Variants in MRC2 observed in about 807,000 individuals in gnomAD.
MRC2 encodes mannose receptor C-type 2.
MRC2 carries 84 observed loss-of-function variants against 206.2 expected under a neutral mutation model. The ratio of observed to expected loss-of-function variants is 0.41; its 90% CI spans 0.34 to 0.49. MRC2 has a LOEUF of 0.49. MRC2 is among the 20% of genes least tolerant of loss of function. MRC2 has a pLI of 0.31. For missense variants in MRC2, 1,676 were observed against 2,001.5 expected (o/e 0.84, Z 3.10); for synonymous variants, 798 against 800.0 (o/e 1.00, Z 0.04).
chr17:62,627,918 C>T lies in MRC2; in HGVS notation c.116C>T (p.Pro39Leu). The T allele has an allele frequency of 6.9e-7, 1 of 1,442,688 alleles. No individual in the cohort carries two copies. The highest frequency in any genetic ancestry group is 9.0e-7 in the Non-Finnish European group (1 of 1,106,520). 89.4% of individuals were successfully genotyped at this position (1,442,688 alleles called of 1,614,324 possible). ...GGCGCCCCTGGGGACGCCGCCCTCC[C>T]GGGTAAGGCGCTGCCAACTTGGCCA... is the stretch of plus-strand genomic sequence containing the variant. ...RPGAPGDAAL[P>L]EPNVFLIFSH... The change falls in exon 1 of 30, where the codon CCG becomes CTG. Residue 39 changes from proline to leucine, a missense_variant and splice_region_variant. This residue lies in a region of MRC2 where 318 missense variants were observed against 346.7 expected (regional missense o/e 0.92). Transcript: ENST00000303375.
rs781220989 is a variant in MRC2 at position 62,680,498 on chromosome 17, G to A, written c.2473+45G>A. The A allele has an allele frequency of 6.2e-7, 1 of 1,612,346 alleles. No homozygotes were observed. Among genetic ancestry groups the A allele is most frequent in the South Asian group, 1.1e-5 (1 of 90,962 alleles). ...TCCCGCTACCCATCGCGTGGGAGAG[G>A]GCGTCAACTCTGGGGTAAGTCCCGA... On this transcript the variant is annotated intron_variant, in intron 16 of 29. Transcript: ENST00000303375. The surrounding 1 kb of genome is among the most constrained non-coding windows in gnomAD (Gnocchi z 4.8).
chr17:62,688,109 C>T (rs148291196), intron 20 of MRC2, among the ~76,000 whole-genome samples, 180 bp from the exon 21 acceptor site: 1 of 152,152 alleles, frequency 6.6e-6, no homozygotes, highest in Non-Finnish European at 1.5e-5. Flanking sequence ...ATCTGCAGTG[C>T]CAAGCTGGGA....
At chr17:62,657,599 C>T (rs375720805) in intron 1 of MRC2, among the ~76,000 whole-genome samples, 17 of 149,658 alleles carry the variant, frequency 1.1e-4, no homozygotes, top group Non-Finnish European at 2.4e-4. Context: ...GCTCCCTGCA[C>T]TGACACCTGA....
At position 62,672,471 on chromosome 17, in the gene MRC2, C is replaced by T. The variant is rs1459218379; in HGVS notation, c.1461+319C>T. ...CGCATTCTTGGTCTCCTCCCAGCTG[C>T]CCTTCCCTGCCAGAAGGTGGCATCA... On this transcript the variant is annotated intron_variant, in intron 8 of 29. Transcript: ENST00000303375. The surrounding 1 kb of genome is among the most constrained non-coding windows in gnomAD (Gnocchi z 4.5). Among the ~76,000 whole-genome samples, 1 of 152,168 alleles carries T rather than the reference C, an allele frequency of 6.6e-6. No homozygotes were observed. Among genetic ancestry groups the T allele is most frequent in the Non-Finnish European group, 1.5e-5 (1 of 68,034 alleles).
At position 62,689,524 on chromosome 17, in the gene MRC2, C is replaced by T. The variant is rs929961580; in HGVS notation, c.3337C>T (p.Pro1113Ser). The change falls in exon 24 of 30, where the codon CCC becomes TCC. Residue 1113 changes from proline to serine, a missense_variant and splice_region_variant. By Grantham distance (74) the Pro-to-Ser change is moderately conservative. Transcript: ENST00000303375. ...GAACCCTGACCCCTTCCCTGTAGAC[C>T]CCTCCCTGAGCCCGTCCCCAGCAGC... ...HGFICQKGTD[P>S]SLSPSPAALP... 6.4e-7 allele frequency: 1 copy of T among 1,562,716 alleles called. No homozygotes were observed. The highest frequency in any genetic ancestry group is 8.7e-7 in the Non-Finnish European group (1 of 1,150,978).
At position 62,666,291 on chromosome 17, in the gene MRC2, G is replaced by A; in HGVS notation, c.694+24G>A. The stretch of plus-strand genomic sequence containing the variant: ...GAGTGAGAGCTGTTGGAGCCGTGGG[G>A]GCGGGGGCAGTGTTCCTGGAGGGAG... On this transcript the variant is annotated intron_variant, in intron 3 of 29. Coordinates refer to ENST00000303375, the MANE Select transcript of MRC2 (RefSeq NM_006039.5). The surrounding 1 kb of genome is among the most constrained non-coding windows in gnomAD (Gnocchi z 5.0). The A allele has an allele frequency of 1.3e-6, 2 of 1,557,466 alleles. No individual in the cohort carries two copies. The highest frequency in any genetic ancestry group is 1.7e-6 in the Non-Finnish European group (2 of 1,154,456).
chr17:62,675,961 G>A lies in MRC2; in HGVS notation c.1685+56G>A. The A allele has an allele frequency of 6.8e-7, 1 of 1,463,816 alleles. No homozygotes were observed. Among genetic ancestry groups the A allele is most frequent in the Non-Finnish European group, 9.6e-7 (1 of 1,046,418 alleles). The allele number at this position is 1,463,816 out of a possible 1,614,324, so 90.7% of individuals were successfully genotyped here. On this transcript the variant is annotated intron_variant, in intron 10 of 29. Transcript: ENST00000303375. The surrounding 1 kb of genome is among the most constrained non-coding windows in gnomAD (Gnocchi z 4.1). ...CTTGCCCATGTCTGGGCCTATTGTG[G>A]TCCCTTCAGCAAACAGGGTAGCATC...
chr17:62,637,961 C>T (rs1208708645), intron 1 of MRC2, among the ~76,000 whole-genome samples: 2 of 152,174 alleles, frequency 1.3e-5, no homozygotes, highest in African/African-American at 4.8e-5. Context: ...ACCTCCTGGG[C>T]TCAGGCGATT....
intron 1 of MRC2, among the ~76,000 whole-genome samples, chr17:62,644,829 G>A (rs1343346515): frequency 6.6e-6 from 1 of 152,048 alleles, no homozygotes. Flanking sequence ...GATTCTGCGG[G>A]AGAGACTCTC....
chr17:62,636,626 G>A (rs1000258733), intron 1 of MRC2, among the ~76,000 whole-genome samples: 2 of 151,548 alleles, frequency 1.3e-5, no homozygotes, highest in Non-Finnish European at 2.9e-5. Context: ...TCACCACCAC[G>A]CCTGGCTAAT....
chr17:62,648,874 CACAA>C (rs1440894717), intron 1 of MRC2, among the ~76,000 whole-genome samples: 2 of 152,200 alleles, frequency 1.3e-5, no homozygotes, highest in Admixed American at 6.5e-5. Context: ...CGCTGTGAAA[CACAA>C]ACAGATTCTT....
At position 62,688,998 on chromosome 17, in the gene MRC2, C is replaced by T. The variant is rs888437286; in HGVS notation, c.3334+38C>T. On this transcript the variant is annotated intron_variant, in intron 23 of 29. Coordinates refer to ENST00000303375, the MANE Select transcript of MRC2 (RefSeq NM_006039.5). ...AGTCACCTGGGAAACCCCAGTGGGG[C>T]CCTGGCACCGGGCTGGATGCTGGGA... 2.0e-6 allele frequency: 3 copies of T among 1,533,378 alleles called. No homozygotes were observed. The African/African-American group carries it at 4.1e-5, about 21-fold the overall frequency. 95.0% of individuals were successfully genotyped at this position (1,533,378 alleles called of 1,614,324 possible).
At chr17:62,670,521 A>T (rs1448505137) in intron 6 of MRC2, among the ~76,000 whole-genome samples, 1 of 152,248 alleles carries the variant, frequency 6.6e-6, no homozygotes, top group Non-Finnish European at 1.5e-5. Flanking sequence ...GACTAGGCAG[A>T]ATCCTGCCCG....
At chr17:62,642,066 T>C (rs1203322165) in intron 1 of MRC2, among the ~76,000 whole-genome samples, 1 of 151,058 alleles carries the variant, frequency 6.6e-6, no homozygotes, top group Non-Finnish European at 1.5e-5. Flanking sequence ...GCGGATGCAA[T>C]TTTTTTTCTC....
Position 62,680,927 on chromosome 17 carries a change from G to T in MRC2, c.2601G>T (p.Ala867=). ...AGCTGACCTCGGTGCACAGCCAGGC[G>T]GAGCTAGACTTCCTGAGCCACAACT... ...QAELTSVHSQ[A]ELDFLSHNLQ... The change falls in exon 17 of 30, where the codon GCG becomes GCT. Residue 867 remains alanine, a synonymous_variant. Transcript: ENST00000303375. The surrounding 1 kb of genome is among the most constrained non-coding windows in gnomAD (Gnocchi z 4.8). The T allele has an allele frequency of 6.2e-7, 1 of 1,613,162 alleles. No homozygotes were observed. Among genetic ancestry groups the T allele is most frequent in the Non-Finnish European group, 8.5e-7 (1 of 1,179,914 alleles).
At position 62,675,598 on chromosome 17, in the gene MRC2, G is replaced by A. The variant is rs2088881392; in HGVS notation, c.1570-192G>A. On this transcript the variant is annotated intron_variant, in intron 9 of 29. Coordinates refer to ENST00000303375, the MANE Select transcript of MRC2 (RefSeq NM_006039.5). This position sits in a 1 kb window ranked among gnomAD's most constrained non-coding sequence, Gnocchi z 4.1. ...CTGGGCCTCCACCCCAGCTTCCACA[G>A]CTGTGGGTGATGGTGGAGGGGGAAT... Among the ~76,000 whole-genome samples, 1 of 152,196 alleles carries A rather than the reference G, an allele frequency of 6.6e-6. No individual in the cohort carries two copies. The highest frequency in any genetic ancestry group is 2.4e-5 in the African/African-American group (1 of 41,426).
At position 62,645,521 on chromosome 17, in the gene MRC2, A is replaced by ATTTT. The variant is rs2088469843; in HGVS notation, c.118+17602_118+17603insTTTT. Among the ~76,000 whole-genome samples the ATTTT allele has an allele frequency of 3.1e-4, 14 of 45,560 alleles. 1 individual carries two copies. Among genetic ancestry groups the ATTTT allele is most frequent in the Admixed American group, 5.5e-4 (2 of 3,654 alleles). 29.9% of individuals were successfully genotyped at this position (45,560 alleles called of 152,430 possible). A position where few individuals can be genotyped will look rare whatever the true frequency, so the allele number is the denominator to read the frequency against. Reference sequence around the variant, plus strand: ...ATTATATATATATATATATATATATATATATATTTTTTTTTTTTTTTTTTT... The same window carrying ATTTT: ...ATTATATATATATATATATATATATATTTTTATATATTTTTTTTTTTTTTTTTTT... On this transcript the variant is annotated intron_variant, in intron 1 of 29. Coordinates refer to ENST00000303375, the MANE Select transcript of MRC2 (RefSeq NM_006039.5).
intron 1 of MRC2, among the ~76,000 whole-genome samples, chr17:62,629,842 G>C (rs913262915): frequency 2.0e-5 from 3 of 152,260 alleles, no homozygotes; most frequent in African/African-American, 7.2e-5. Context: ...TGGCAGGCCA[G>C]TGCTGCTGGG....
chr17:62,650,891 G>T (rs940261452), intron 1 of MRC2, among the ~76,000 whole-genome samples: 3 of 152,164 alleles, frequency 2.0e-5, no homozygotes, highest in Admixed American at 6.5e-5. Context: ...TTTGCCTAGA[G>T]AAGCAAATAC....
Sources: gnomAD v4.1 joint callset for allele counts (sites outside exome capture counted in the v4.1 genomes callset) on GRCh38, gnomAD v4.1.1 for gene constraint, gnomAD v4.1.1 regional missense constraint, Gnocchi (gnomAD v3.1) non-coding constraint, MANE v1.5 for transcripts, NCBI Gene and HGNC (gene_info 2026-07-23, HGNC 2026-07-21) for gene names.